Variants in RGR observed in about 807,000 individuals in gnomAD.
RGR encodes the protein retinal G protein coupled receptor.
A neutral mutation model predicts 28.6 loss-of-function variants in RGR; 30 were observed. The ratio of observed to expected loss-of-function variants is 1.05; its 90% CI spans 0.78 to 1.42. The LOEUF (loss-of-function observed/expected upper bound fraction) is 1.42, where lower values mean the gene tolerates loss of function less well. Among genes scored for constraint, RGR ranks in the 40% most tolerant of loss-of-function variants. The pLI is 0.00. For synonymous variants in RGR, 180 were observed against 156.4 expected (o/e 1.15, Z -1.13); for missense variants, 404 against 375.6 (o/e 1.08, Z -0.62).
intron 3 of RGR, chr10:84,250,740 C>T (rs1375416800): frequency 9.3e-6 from 3 of 323,496 alleles, no homozygotes; most frequent in African/African-American, 2.1e-5. Context: ...GGCATGTCAC[C>T]TTGGCCATCT....
chr10:84,257,285 C>G (rs376768358), intron 5 of RGR, among the ~76,000 whole-genome samples: 4 of 152,312 alleles, frequency 2.6e-5, no homozygotes, highest in Admixed American at 6.5e-5. Flanking sequence ...GCCCCTCCCC[C>G]GCTGATTGTA....
chr10:84,258,480 TCTTTTCTGGA>T lies in RGR; in HGVS notation c.745-19_745-10del. ...AGAGAGGATCAGTGGCTTTGAAGCTTCTTTTCTGGACTTTTCTGCCACAACAGGTGCCCGC... is the reference window on the plus strand; with the variant it reads ...AGAGAGGATCAGTGGCTTTGAAGCTTCTTTTCTGCCACAACAGGTGCCCGC... On this transcript the variant is annotated intron_variant, in intron 6 of 6. Transcript: ENST00000652092. 6.2e-7 allele frequency: 1 copy of T among 1,614,086 alleles called. No individual in the cohort carries two copies. Among genetic ancestry groups the T allele is most frequent in the Non-Finnish European group, 8.5e-7 (1 of 1,179,974 alleles).
rs72841106 is a variant in RGR, at chr10:84,247,146, C to T, written c.80-445C>T. On this transcript the variant is annotated intron_variant, in intron 1 of 6. Coordinates refer to ENST00000652092, the MANE Select transcript of RGR (RefSeq NM_001012720.2). Reference sequence around the variant, plus strand: ...CCTTCATGTTCACTTCCATGCCTGGCGTCCTGGGCAGCTCCCAGCTCTAAC... The same window carrying T: ...CCTTCATGTTCACTTCCATGCCTGGTGTCCTGGGCAGCTCCCAGCTCTAAC... 5.1e-3 allele frequency among the ~76,000 whole-genome samples: 783 copies of T among 152,260 alleles called. 11 individuals are homozygous for T. The highest frequency in any genetic ancestry group is 0.021 in the Admixed American group (314 of 15,296).
chr10:84,256,382 G>C (rs549590248), intron 5 of RGR, among the ~76,000 whole-genome samples: 9 of 151,968 alleles, frequency 5.9e-5, no homozygotes, highest in African/African-American at 2.2e-4. Context: ...CCTGTGTCGC[G>C]GACTAAAAAA....
At chr10:84,252,709 G>T in intron 3 of RGR, 148 bp from the exon 4 acceptor site, 4 of 1,035,930 alleles carry the variant, frequency 3.9e-6, no homozygotes, top group Non-Finnish European at 3.0e-6. Flanking sequence ...GGATGTAGTG[G>T]CTCAATCCTG....
chr10:84,250,564 C>T, intron 3 of RGR: 1 of 654,424 alleles, frequency 1.5e-6, no homozygotes, highest in Non-Finnish European at 2.8e-6. Context: ...ACCACCTTCT[C>T]AGATAGCAAC....
intron 5 of RGR, among the ~76,000 whole-genome samples, chr10:84,256,298 C>A (rs1414977646): frequency 6.6e-6 from 1 of 151,956 alleles, no homozygotes; most frequent in African/African-American, 2.4e-5. Flanking sequence ...AGGTGATCCA[C>A]CCACTTCAGC....
intron 5 of RGR, chr10:84,255,316 G>A (rs1842869118): frequency 6.6e-6 from 1 of 152,410 alleles, no homozygotes; most frequent in Non-Finnish European, 1.5e-5. Context: ...GATTCACCCA[G>A]ACCCCGTAAC....
chr10:84,258,892 A>G lies in RGR; in HGVS notation c.*253A>G, dbSNP rs376202960. Reference sequence around the variant, plus strand: ...AAGTCATTCCTTTTTAAAAATAATAATAAATGTAAGGGGGTACAGTGCAGT... The same window carrying G: ...AAGTCATTCCTTTTTAAAAATAATAGTAAATGTAAGGGGGTACAGTGCAGT... On this transcript the variant is annotated 3_prime_UTR_variant, in exon 7 of 7. Coordinates refer to ENST00000652092, the MANE Select transcript of RGR (RefSeq NM_001012720.2). 11 of 504,476 alleles carry G rather than the reference A, an allele frequency of 2.2e-5. No homozygotes were observed. The highest frequency in any genetic ancestry group is 1.8e-4 in the South Asian group (9 of 49,628). The allele number at this position is 504,476 out of a possible 1,614,324, so 31.2% of individuals were successfully genotyped here. A position where few individuals can be genotyped will look rare whatever the true frequency, so the allele number is the denominator to read the frequency against.
intron 1 of RGR, among the ~76,000 whole-genome samples, chr10:84,246,520 T>C (rs1480696252): frequency 6.6e-6 from 1 of 152,258 alleles, no homozygotes; most frequent in Non-Finnish European, 1.5e-5. Flanking sequence ...CTTACAATAA[T>C]GGCCTCCAGC....
At chr10:84,249,576 G>T (rs939956901) in intron 3 of RGR, among the ~76,000 whole-genome samples, 2 of 152,228 alleles carry the variant, frequency 1.3e-5, no homozygotes, top group Admixed American at 6.5e-5. Flanking sequence ...CTCCCAAAGT[G>T]CTGGGATTAC....
rs1446151479 is a variant in RGR, at chr10:84,252,729, C to A, written c.359-128C>A. On this transcript the variant is annotated intron_variant, in intron 3 of 6. Coordinates refer to ENST00000652092, the MANE Select transcript of RGR (RefSeq NM_001012720.2). Reference sequence around the variant, plus strand: ...TAGTGGCTCAATCCTGTAATCCCAGCACTTTGGGAGACTGAGGCTGGTGGA... The same window carrying A: ...TAGTGGCTCAATCCTGTAATCCCAGAACTTTGGGAGACTGAGGCTGGTGGA... 4.2e-6 allele frequency: 5 copies of A among 1,204,812 alleles called. No homozygotes were observed. The East Asian group carries it at 7.0e-5, about 17-fold the overall frequency. 74.6% of individuals were successfully genotyped at this position (1,204,812 alleles called of 1,614,324 possible). A position where few individuals can be genotyped will look rare whatever the true frequency, so the allele number is the denominator to read the frequency against.
At chr10:84,257,018 GAAAA>G (rs5786651) in intron 5 of RGR, among the ~76,000 whole-genome samples, 1 of 150,992 alleles carries the variant, frequency 6.6e-6, no homozygotes, top group African/African-American at 2.4e-5. Flanking sequence ...CAGTTAAGAG[GAAAA>G]AAAAAGTCTC....
At position 84,258,848 on chromosome 10, in the gene RGR, A is replaced by G. The variant is rs1304798112; in HGVS notation, c.*209A>G. On this transcript the variant is annotated 3_prime_UTR_variant, in exon 7 of 7. Transcript: ENST00000652092. ...TGTCGGTCACAGCCCCCTACACTCAAGGCTGAGAGGCCTCAGGAAAGTCAT... is the reference window on the plus strand; with the variant it reads ...TGTCGGTCACAGCCCCCTACACTCAGGGCTGAGAGGCCTCAGGAAAGTCAT... The G allele has an allele frequency of 1.6e-6, 1 of 632,532 alleles. No individual in the cohort carries two copies. The highest frequency in any genetic ancestry group is 2.7e-6 in the Non-Finnish European group (1 of 364,186). 39.2% of individuals were successfully genotyped at this position (632,532 alleles called of 1,614,324 possible).
At chr10:84,248,520 G>A (rs1157609766) in intron 2 of RGR, 3 of 314,776 alleles carry the variant, frequency 9.5e-6, no homozygotes, top group Admixed American at 4.5e-5. Flanking sequence ...ACCTTTGCTT[G>A]CCCTTTTAGG....
rs144737933 is a variant in RGR at position 84,251,950 on chromosome 10, C to T, written c.359-907C>T. On this transcript the variant is annotated intron_variant, in intron 3 of 6. Coordinates refer to ENST00000652092, the MANE Select transcript of RGR (RefSeq NM_001012720.2). ...TGAGGGAGGTTGTAGACATGCTCTT[C>T]TCTCCCGATCAAAACCCATCTGGAG... Among the ~76,000 whole-genome samples, 830 of 152,336 alleles carry T rather than the reference C, an allele frequency of 5.4e-3. 9 individuals are homozygous for T. Among genetic ancestry groups the T allele is most frequent in the African/African-American group, 0.02 (811 of 41,578 alleles).
At position 84,252,466 on chromosome 10, in the gene RGR, C is replaced by T. The variant is rs112366554; in HGVS notation, c.359-391C>T. On this transcript the variant is annotated intron_variant, in intron 3 of 6. Coordinates refer to ENST00000652092, the MANE Select transcript of RGR (RefSeq NM_001012720.2). ...TGGTATAGTGTGTCTATTTGGAGAC[C>T]TTCACCATCCATTATCTATTTCATT... Among the ~76,000 whole-genome samples, 398 of 152,288 alleles carry T rather than the reference C, an allele frequency of 2.6e-3. 2 individuals are homozygous for T. Among genetic ancestry groups the T allele is most frequent in the African/African-American group, 8.9e-3 (371 of 41,564 alleles).
chr10:84,257,960 A>G lies in RGR; in HGVS notation c.698A>G (p.Tyr233Cys). 1 of 1,614,198 alleles carries G rather than the reference A, an allele frequency of 6.2e-7. No individual in the cohort carries two copies. The highest frequency in any genetic ancestry group is 8.5e-7 in the Non-Finnish European group (1 of 1,180,038). The change falls in exon 6 of 7, where the codon TAC becomes TGC. Residue 233 changes from tyrosine to cysteine, a missense_variant. Coordinates refer to ENST00000652092, the MANE Select transcript of RGR (RefSeq NM_001012720.2). ...GWGPYAILYLYAVIADVTSIS... is the reference protein window; with the variant it reads ...GWGPYAILYLCAVIADVTSIS... ...GGCCCCTATGCCATCCTGTATCTAT[A>G]CGCAGTCATCGCAGACGTGACTTCC...
rs774019195 is a variant in RGR at position 84,249,036 on chromosome 10, C to T, written c.351C>T (p.Tyr117=). The change falls in exon 3 of 7, where the codon TAC becomes TAT. Residue 117 remains tyrosine, a synonymous_variant. Coordinates refer to ENST00000652092, the MANE Select transcript of RGR (RefSeq NM_001012720.2). Reference sequence around the variant, plus strand: ...TCGCATGGGGGCGTTATCACCACTACTGCACCCGTATGTATCTGGGCTCCT... The same window carrying T: ...TCGCATGGGGGCGTTATCACCACTATTGCACCCGTATGTATCTGGGCTCCT... ...AAIAWGRYHH[Y]CTRSQLAWNS... is the part of the protein sequence containing the mutation. The T allele has an allele frequency of 2.8e-5, 45 of 1,613,874 alleles. No homozygotes were observed. The Admixed American group carries it at 7.3e-4, about 26-fold the overall frequency.
Sources: allele counts gnomAD v4.1 joint callset (sites outside exome capture counted in the v4.1 genomes callset), GRCh38; gene constraint gnomAD v4.1.1; transcripts MANE v1.5; gene names NCBI Gene and HGNC (gene_info 2026-07-23, HGNC 2026-07-21).